The following NUAK1 variants were observed in gnomAD, a reference collection of about 807,000 sequenced individuals.
NUAK1 encodes the protein NUAK family kinase 1.
NUAK1 carries 26 observed loss-of-function variants against 56.9 expected under a neutral mutation model. The observed-to-expected ratio is 0.46, with a 90% CI of 0.33 to 0.63. The LOEUF (loss-of-function observed/expected upper bound fraction) is 0.63, where lower values mean the gene tolerates loss of function less well. NUAK1 is among the 30% of genes least tolerant of loss of function. The probability of loss-of-function intolerance (pLI) is 0.02; values close to 1 mark genes in which losing one functional copy is unlikely to be tolerated. For synonymous variants in NUAK1, 337 were observed against 336.0 expected (o/e 1.00, Z -0.03); for missense variants, 727 against 876.1 (o/e 0.83, Z 2.15).
At chr12:106,100,478 T>C (rs2032735938) in intron 2 of NUAK1, among the ~76,000 whole-genome samples, 2 of 152,166 alleles carry the variant, frequency 1.3e-5, no homozygotes, top group Non-Finnish European at 2.9e-5. Flanking sequence ...AATAACCACT[T>C]ACTCAAAAGT....
At chr12:106,116,864 A>G (rs895915891) in intron 1 of NUAK1, among the ~76,000 whole-genome samples, 6 of 152,234 alleles carry the variant, frequency 3.9e-5, no homozygotes, top group Admixed American at 6.5e-5. Flanking sequence ...CTGTGGGACC[A>G]GGTGGGCAAA....
At chr12:106,099,135 T>C (rs2032724551) in intron 2 of NUAK1, among the ~76,000 whole-genome samples, 1 of 152,202 alleles carries the variant, frequency 6.6e-6, no homozygotes, top group African/African-American at 2.4e-5. Flanking sequence ...GTTGACAAAT[T>C]TGAGGGTTAA....
At chr12:106,086,943 G>A in intron 2 of NUAK1, 58 bp from the exon 3 acceptor site, 1 of 1,581,744 alleles carries the variant, frequency 6.3e-7, no homozygotes, top group African/African-American at 1.3e-5. Flanking sequence ...GCTCACTTAT[G>A]CTACAGAGAA....
chr12:106,128,884 T>G (rs2033050411), intron 1 of NUAK1, among the ~76,000 whole-genome samples: 1 of 152,220 alleles, frequency 6.6e-6, no homozygotes, highest in Non-Finnish European at 1.5e-5. Context: ...ATCATGATGG[T>G]GTTTTTTCAA....
rs898106278 is a variant in NUAK1, at chr12:106,067,477, C to G, written c.1311G>C (p.Arg437Ser). 10 of 1,614,060 alleles carry G rather than the reference C, an allele frequency of 6.2e-6. No individual in the cohort carries two copies. Among genetic ancestry groups the G allele is most frequent in the Non-Finnish European group, 8.5e-6 (10 of 1,180,038 alleles). ...GTGAGCTTGGGAGGAGCACGCCAGT[C>G]CTGCACAAGTCCTGCTCCATCTTGA... ...STFKMEQDLC[R>S]TGVLLPSSPE... is the part of the protein sequence containing the mutation. Residue 437 changes from arginine to serine, a missense_variant, in exon 7 of 7, where the codon AGG (arginine) becomes AGC (serine). By Grantham distance (110) the Arg-to-Ser change is moderately radical. Transcript: ENST00000261402. The surrounding 1 kb of genome is among the most constrained non-coding windows in gnomAD (Gnocchi z 6.0).
chr12:106,108,530 C>T (rs986037999), intron 1 of NUAK1, among the ~76,000 whole-genome samples: 1 of 152,212 alleles, frequency 6.6e-6, no homozygotes, highest in Non-Finnish European at 1.5e-5. Flanking sequence ...AAAGATATGA[C>T]TGGATGGCTT....
chr12:106,133,948 T>C (rs980778542), intron 1 of NUAK1, among the ~76,000 whole-genome samples: 1 of 152,208 alleles, frequency 6.6e-6, no homozygotes, highest in Non-Finnish European at 1.5e-5. Flanking sequence ...CAATAAATCT[T>C]CATCGAACTG....
chr12:106,108,986 T>C (rs2032832191), intron 1 of NUAK1, among the ~76,000 whole-genome samples: 1 of 152,200 alleles, frequency 6.6e-6, no homozygotes, highest in Non-Finnish European at 1.5e-5. Context: ...ATAAGCATAG[T>C]GGCTGTCTCT....
intron 1 of NUAK1, among the ~76,000 whole-genome samples, chr12:106,118,444 C>T (rs2032941349): frequency 6.6e-6 from 1 of 152,194 alleles, no homozygotes; most frequent in South Asian, 2.1e-4. Flanking sequence ...TGTGATGCTT[C>T]CTTTCTCTGG....
intron 2 of NUAK1, among the ~76,000 whole-genome samples, chr12:106,092,245 G>A (rs766650095): frequency 6.6e-5 from 10 of 152,070 alleles, no homozygotes; most frequent in African/African-American, 9.7e-5. Context: ...ATAGCCGGGC[G>A]TGGTGGCTCA....
chr12:106,072,148 C>CA (rs1239844967), intron 5 of NUAK1, among the ~76,000 whole-genome samples: 7 of 151,900 alleles, frequency 4.6e-5, no homozygotes, highest in African/African-American at 1.7e-4. Context: ...TGCATGCTGC[C>CA]AAAAATATAT....
At chr12:106,130,771 T>G (rs535298472) in intron 1 of NUAK1, among the ~76,000 whole-genome samples, 1 of 152,332 alleles carries the variant, frequency 6.6e-6, no homozygotes, top group Non-Finnish European at 1.5e-5. Context: ...CTTTTTTTAA[T>G]TTGCACAAAG....
chr12:106,093,835 G>C (rs2032662372), intron 2 of NUAK1, among the ~76,000 whole-genome samples: 1 of 152,182 alleles, frequency 6.6e-6, no homozygotes, highest in Admixed American at 6.5e-5. Context: ...GTCTTGCTCT[G>C]TCACACAGGT....
intron 1 of NUAK1, among the ~76,000 whole-genome samples, chr12:106,113,034 G>A (rs1004660006): frequency 7.2e-5 from 11 of 152,136 alleles, no homozygotes; most frequent in African/African-American, 4.8e-5. Flanking sequence ...AAGCAGATTC[G>A]TGCTTGACTG....
rs139582229 is a variant in NUAK1 at position 106,086,760 on chromosome 12, C to T, written c.487G>A (p.Val163Ile). 23 of 1,613,940 alleles carry T rather than the reference C, an allele frequency of 1.4e-5. No homozygotes were observed. The highest frequency in any genetic ancestry group is 1.9e-5 in the Non-Finnish European group (23 of 1,179,972). The change falls in exon 3 of 7, where the codon GTC becomes ATC. Residue 163 changes from valine to isoleucine, a missense_variant. Coordinates refer to ENST00000261402, the MANE Select transcript of NUAK1 (RefSeq NM_014840.3). ...TTGTGACAATAGTGCACAGCAGAGA[C>T]GATCTGCCGGAAGAAGTGCCGGGTC... ...RETRHFFRQI[V>I]SAVHYCHKNG...
intron 1 of NUAK1, among the ~76,000 whole-genome samples, chr12:106,135,271 A>G (rs964995756): frequency 8.5e-5 from 13 of 152,178 alleles, no homozygotes; most frequent in African/African-American, 2.7e-4. Flanking sequence ...GAGCTTGTTC[A>G]TCTCTGGAAC....
rs768899718 is a variant in NUAK1 at position 106,070,744 on chromosome 12, C to T, written c.832+30G>A. 6.2e-6 allele frequency: 10 copies of T among 1,613,714 alleles called. No homozygotes were observed. In the Admixed American group the frequency reaches 6.7e-5, roughly 11 times the overall value. On this transcript the variant is annotated intron_variant, in intron 6 of 6. Coordinates refer to ENST00000261402, the MANE Select transcript of NUAK1 (RefSeq NM_014840.3). The stretch of plus-strand genomic sequence containing the variant: ...GGTAAGCAGATCTCTCTCCCCTCCA[C>T]CTCTGACCCTCCCTCCACAGGGCAC...
intron 6 of NUAK1, among the ~76,000 whole-genome samples, chr12:106,069,046 G>T (rs1474810510): frequency 1.3e-5 from 2 of 152,148 alleles, no homozygotes; most frequent in East Asian, 3.8e-4. Flanking sequence ...AAAAGAACAG[G>T]CTGGCTTGTT....
intron 1 of NUAK1, among the ~76,000 whole-genome samples, chr12:106,136,213 C>G (rs1045957932): frequency 1.3e-5 from 2 of 152,108 alleles, no homozygotes; most frequent in Non-Finnish European, 2.9e-5. Flanking sequence ...GGGTCTGCTG[C>G]CAGATTTAAA....
Sources: gnomAD v4.1 joint callset for allele counts (sites outside exome capture counted in the v4.1 genomes callset) on GRCh38, gnomAD v4.1.1 for gene constraint, Gnocchi (gnomAD v3.1) non-coding constraint, MANE v1.5 for transcripts, NCBI Gene and HGNC (gene_info 2026-07-23, HGNC 2026-07-21) for gene names.